Variants in HIVEP3 observed in about 807,000 individuals in gnomAD.
The protein encoded by HIVEP3 is transcription factor HIVEP3.
A neutral mutation model predicts 152.8 loss-of-function variants in HIVEP3; 49 were observed. The observed-to-expected ratio is 0.32, with a 90% CI of 0.26 to 0.41. The LOEUF (loss-of-function observed/expected upper bound fraction) is 0.41. HIVEP3 is among the 10% of genes least tolerant of loss of function. HIVEP3 has a pLI of 1.00. For missense variants in HIVEP3, 2,790 were observed against 3,103.3 expected, an observed-to-expected ratio of 0.90 and a Z score of 2.40; for synonymous variants, 1,269 against 1,289.0, an observed-to-expected ratio of 0.98 and a Z score of 0.33.
At chr1:41,763,911 G>C (rs1310358551) in intron 1 of HIVEP3, among the ~76,000 whole-genome samples, 1 of 152,240 alleles carries the variant, frequency 6.6e-6, no homozygotes, top group Non-Finnish European at 1.5e-5. Flanking sequence ...CTTCATCAGA[G>C]GATTGAGTTT....
At position 41,563,352 on chromosome 1, in the gene HIVEP3, AT is replaced by A. The variant is rs576042903; in HGVS notation, c.5207+12191del. 3.7e-4 allele frequency among the ~76,000 whole-genome samples: 54 copies of A among 146,682 alleles called. No individual in the cohort carries two copies. The East Asian group carries it at 6.5e-3, about 18-fold the overall frequency. ...ATAGAGAGACTCCATCTCAAAAAAA[AT>A]AAATAGATAAAAATTAAAAAAAAAA... On this transcript the variant is annotated intron_variant, in intron 5 of 8. Coordinates refer to ENST00000372583, the MANE Select transcript of HIVEP3 (RefSeq NM_024503.5).
At chr1:41,888,780 T>C (rs1192580710) in intron 1 of HIVEP3, among the ~76,000 whole-genome samples, 2 of 93,134 alleles carry the variant, frequency 2.1e-5, no homozygotes, top group Non-Finnish European at 3.9e-5. Flanking sequence ...CACCCCCACA[T>C]ACCTCATACA....
chr1:41,925,945 A>C (rs1000021010), intron 1 of HIVEP3, among the ~76,000 whole-genome samples: 9 of 152,288 alleles, frequency 5.9e-5, no homozygotes, highest in Non-Finnish European at 1.2e-4. Flanking sequence ...ACAGATGTGA[A>C]ATGTATAATT....
At chr1:41,605,381 A>G (rs1260662924) in intron 3 of HIVEP3, among the ~76,000 whole-genome samples, 26 of 150,844 alleles carry the variant, frequency 1.7e-4, no homozygotes, top group East Asian at 7.7e-4. Context: ...ACGCGCACAC[A>G]CACACACACA....
chr1:41,645,267 G>A (rs758624490), intron 2 of HIVEP3, among the ~76,000 whole-genome samples: 2 of 152,126 alleles, frequency 1.3e-5, no homozygotes, highest in Non-Finnish European at 2.9e-5. Context: ...CCTTCTCTGA[G>A]ACTCCCAAGG....
intron 1 of HIVEP3, chr1:41,847,551 A>G (rs932637371): frequency 2.6e-5 from 4 of 152,256 alleles, no homozygotes; most frequent in African/African-American, 9.6e-5. Context: ...TACACTTCCA[A>G]AGTTTTTGTA....
intron 5 of HIVEP3, among the ~76,000 whole-genome samples, chr1:41,561,736 A>G (rs1644067840): frequency 1.1e-4 from 1 of 9,136 alleles, no homozygotes; most frequent in Non-Finnish European, 7.9e-4. Context: ...GCTGGTCTCA[A>G]ACTCCTGCCA....
chr1:41,518,822 T>TTG (rs1442100222), intron 6 of HIVEP3, among the ~76,000 whole-genome samples: 1 of 151,552 alleles, frequency 6.6e-6, no homozygotes, highest in Non-Finnish European at 1.5e-5. Flanking sequence ...AATAGGTTTT[T>TTG]TTTTTTTTTT....
At chr1:41,675,898 C>T (rs1448562672) in intron 2 of HIVEP3, among the ~76,000 whole-genome samples, 2 of 152,170 alleles carry the variant, frequency 1.3e-5, no homozygotes, top group Non-Finnish European at 2.9e-5. Flanking sequence ...CCACACGGCC[C>T]AGCTCAGACA....
intron 1 of HIVEP3, among the ~76,000 whole-genome samples, chr1:41,897,415 G>A (rs1391975463): frequency 6.6e-6 from 1 of 152,088 alleles, no homozygotes; most frequent in African/African-American, 2.4e-5. Flanking sequence ...ATGAGGGCTG[G>A]GATTAGTGTC....
intron 1 of HIVEP3, among the ~76,000 whole-genome samples, chr1:41,788,553 T>G (rs1173670444): frequency 6.6e-6 from 1 of 152,220 alleles, no homozygotes; most frequent in Non-Finnish European, 1.5e-5. Flanking sequence ...TGCTCTCTGA[T>G]GCACTCTGGG....
At chr1:41,754,120 C>T (rs1647217920) in intron 1 of HIVEP3, among the ~76,000 whole-genome samples, 1 of 152,130 alleles carries the variant, frequency 6.6e-6, no homozygotes, top group Non-Finnish European at 1.5e-5. Context: ...CTGGGTGGGT[C>T]TGAGGAACAG....
chr1:41,758,507 A>C (rs150288917), intron 1 of HIVEP3, among the ~76,000 whole-genome samples: 1 of 152,350 alleles, frequency 6.6e-6, no homozygotes, highest in African/African-American at 2.4e-5. Context: ...GACAGGCTGC[A>C]TCACAATTCC....
intron 3 of HIVEP3, among the ~76,000 whole-genome samples, chr1:41,621,215 C>T (rs1040918663): frequency 1.2e-4 from 19 of 152,346 alleles, no homozygotes; most frequent in South Asian, 2.1e-4. Flanking sequence ...CCACAGACCA[C>T]GGCCTTGACC....
chr1:41,757,914 A>G (rs1647422139), intron 1 of HIVEP3, among the ~76,000 whole-genome samples: 1 of 151,772 alleles, frequency 6.6e-6, no homozygotes, highest in Non-Finnish European at 1.5e-5. Flanking sequence ...GTTTCTCCAC[A>G]TTTGTCAGGC....
At chr1:41,616,746 C>G (rs1180776570) in intron 3 of HIVEP3, among the ~76,000 whole-genome samples, 1 of 151,670 alleles carries the variant, frequency 6.6e-6, no homozygotes, top group Non-Finnish European at 1.5e-5. Context: ...TGCTACTGCA[C>G]CTGCTCAATT....
chr1:41,675,849 G>C (rs1444794516), intron 2 of HIVEP3, among the ~76,000 whole-genome samples: 2 of 152,194 alleles, frequency 1.3e-5, no homozygotes, highest in Non-Finnish European at 2.9e-5. Context: ...GGAGAACCAG[G>C]CCACAGGCTC....
intron 2 of HIVEP3, among the ~76,000 whole-genome samples, chr1:41,667,590 C>T (rs189514235): frequency 5.3e-5 from 8 of 152,358 alleles, no homozygotes; most frequent in East Asian, 1.9e-4. Flanking sequence ...CAAATATTTA[C>T]TCTGCCCATG....
chr1:41,891,730 T>A (rs1644450175), intron 1 of HIVEP3, among the ~76,000 whole-genome samples: 1 of 152,238 alleles, frequency 6.6e-6, no homozygotes, highest in South Asian at 2.1e-4. Flanking sequence ...TCGGGCTGGT[T>A]TAAAGCACAG....
Sources: gnomAD v4.1 joint callset for allele counts (sites outside exome capture counted in the v4.1 genomes callset) on GRCh38, gnomAD v4.1.1 for gene constraint, MANE v1.5 for transcripts, NCBI Gene and HGNC (gene_info 2026-07-23, HGNC 2026-07-21) for gene names.